The following HGSNAT variants were observed in gnomAD, a reference collection of about 807,000 sequenced individuals.
HGSNAT encodes the protein transmembrane protein 76.
In HGSNAT, 59 loss-of-function variants were observed where a neutral mutation model predicts 85.2. The observed-to-expected ratio is 0.69, with a 90% CI of 0.56 to 0.86. The LOEUF (loss-of-function observed/expected upper bound fraction) is 0.86. Ranked by LOEUF, HGSNAT falls within the 40% of genes least tolerant of loss-of-function variation. The pLI, the probability that HGSNAT is intolerant of heterozygous loss-of-function variation, is 0.00. For synonymous variants in HGSNAT, 321 were observed against 304.5 expected, an observed-to-expected ratio of 1.05 and a Z score of -0.56; for missense variants, 756 against 777.1, an observed-to-expected ratio of 0.97 and a Z score of 0.32.
At chr8:43,172,939 G>A (rs930348108) in intron 8 of HGSNAT, among the ~76,000 whole-genome samples, 2 of 152,226 alleles carry the variant, frequency 1.3e-5, no homozygotes, top group Non-Finnish European at 2.9e-5. Context: ...AAGTGTCCCA[G>A]CCAGGTCCAG....
chr8:43,177,270 G>T (rs563075461), intron 9 of HGSNAT, among the ~76,000 whole-genome samples: 9 of 151,848 alleles, frequency 5.9e-5, no homozygotes, highest in Non-Finnish European at 1.0e-4. Flanking sequence ...ATAATTTAGG[G>T]CCAGGTGTGG....
chr8:43,193,619 T>C (rs945368717), intron 13 of HGSNAT, 138 bp from the exon 14 acceptor site: 3 of 596,428 alleles, frequency 5.0e-6, no homozygotes, highest in Admixed American at 3.1e-5. Context: ...TCCCTATAAG[T>C]TGGCAATGAA....
At chr8:43,187,084 A>G (rs1804341494) in intron 11 of HGSNAT, among the ~76,000 whole-genome samples, 1 of 152,172 alleles carries the variant, frequency 6.6e-6, no homozygotes, top group South Asian at 2.1e-4. Flanking sequence ...TTTTGGAATA[A>G]GTGCAATGTG....
intron 17 of HGSNAT, among the ~76,000 whole-genome samples, chr8:43,198,844 C>T (rs1487171721): frequency 6.6e-6 from 1 of 152,132 alleles, no homozygotes; most frequent in Non-Finnish European, 1.5e-5. Flanking sequence ...ATAATTTTAG[C>T]TTTCCTTTCA....
chr8:43,176,612 A>C (rs1266554872), intron 9 of HGSNAT, among the ~76,000 whole-genome samples: 3 of 152,050 alleles, frequency 2.0e-5, no homozygotes, highest in Non-Finnish European at 4.4e-5. Flanking sequence ...TAGGGATTGC[A>C]TTGAGTCTGT....
intron 4 of HGSNAT, among the ~76,000 whole-genome samples, chr8:43,161,186 T>C (rs1803254724): frequency 6.6e-6 from 1 of 152,122 alleles, no homozygotes; most frequent in South Asian, 2.1e-4. Flanking sequence ...AGGGACAATA[T>C]CTTGATAATT....
chr8:43,181,615 T>G (rs1163618327), intron 10 of HGSNAT: 2 of 154,130 alleles, frequency 1.3e-5, no homozygotes, highest in South Asian at 2.0e-4. Context: ...CTGCTTCCAG[T>G]AGGATTCATT....
In HGSNAT at chr8:43,191,547, G is replaced by T. The variant is rs751563675; in HGVS notation, c.1202G>T (p.Gly401Val). 4 of 1,613,908 alleles carry T rather than the reference G, an allele frequency of 2.5e-6. No individual in the cohort carries two copies. The highest frequency in any genetic ancestry group is 2.7e-5 in the African/African-American group (2 of 74,944). The part of the protein sequence containing the change: ...PQWLLILVLE[G>V]LWLGLTFLLP... ...TGGCTGCTCATCCTGGTGCTGGAAG[G>T]CCTGTGGCTGGGCTTGACATTCCTC... is the stretch of plus-strand genomic sequence containing the variant. Residue 401 changes from glycine (G) to valine (V), a missense_variant, in exon 12 of 18, where the codon GGC becomes GTC. Physicochemically the swap from Gly to Val is moderately radical, Grantham distance 109 (BLOSUM62 -3). Coordinates refer to ENST00000379644, the MANE Select transcript of HGSNAT (RefSeq NM_152419.3).
rs889858022 is a variant in HGSNAT, at chr8:43,175,896, A to AT, written c.851+2161dup. 1.2e-4 allele frequency among the ~76,000 whole-genome samples: 18 copies of AT among 151,520 alleles called. No individual in the cohort carries two copies. In the South Asian group the frequency reaches 1.7e-3, roughly 14 times the overall value. ...AATCCATTTTTAATTGGATTATTAG[A>AT]TTTTTTTTCCTATAGAGTTGTTTGA... On this transcript the variant is annotated intron_variant, in intron 9 of 17. Coordinates refer to ENST00000379644, the MANE Select transcript of HGSNAT (RefSeq NM_152419.3).
intron 4 of HGSNAT, 123 bp downstream of exon 4, chr8:43,159,167 C>A: frequency 1.2e-6 from 1 of 835,322 alleles, no homozygotes; most frequent in Non-Finnish European, 1.8e-6. Flanking sequence ...AATCTTAGGT[C>A]ATTGATGAGC....
chr8:43,181,244 C>T lies in HGSNAT; in HGVS notation c.1013-901C>T, dbSNP rs945727487. Among the ~76,000 whole-genome samples the T allele has an allele frequency of 4.2e-5, 6 of 143,362 alleles. No individual in the cohort carries two copies. The East Asian group carries it at 6.4e-4, about 15-fold the overall frequency. 94.1% of individuals were successfully genotyped at this position (143,362 alleles called of 152,430 possible). Reference sequence around the variant, plus strand: ...GAGAGGGAGAGGGAGAGCATTTCATCAGCTTTCGATAGTGTGCGGCAGTTC... The same window carrying T: ...GAGAGGGAGAGGGAGAGCATTTCATTAGCTTTCGATAGTGTGCGGCAGTTC... On this transcript the variant is annotated intron_variant, in intron 10 of 17. Coordinates refer to ENST00000379644, the MANE Select transcript of HGSNAT (RefSeq NM_152419.3).
intron 10 of HGSNAT, chr8:43,181,784 C>G (rs529834768): frequency 8.6e-6 from 2 of 232,004 alleles, no homozygotes; most frequent in African/African-American, 2.3e-5. Context: ...AGCAGACGTG[C>G]GGGTTGATTG....
chr8:43,178,594 CTTT>C (rs58996359), intron 10 of HGSNAT, among the ~76,000 whole-genome samples: 2 of 96,922 alleles, frequency 2.1e-5, no homozygotes, highest in African/African-American at 7.1e-5. Flanking sequence ...CATCAGCTTT[CTTT>C]TTTTTTTTTT....
rs549440327 is a variant in HGSNAT, at chr8:43,168,102, G to A, written c.564-1071G>A. ...CCTGGCTAATTTTTTTGTATTTTTAGTAGAGACAGGGTTTCACCGTCTTAG... is the reference window on the plus strand; with the variant it reads ...CCTGGCTAATTTTTTTGTATTTTTAATAGAGACAGGGTTTCACCGTCTTAG... On this transcript the variant is annotated intron_variant, in intron 5 of 17. Coordinates refer to ENST00000379644, the MANE Select transcript of HGSNAT (RefSeq NM_152419.3). 6.2e-4 allele frequency: 107 copies of A among 173,860 alleles called. 1 individual carries two copies. Among genetic ancestry groups the A allele is most frequent in the Non-Finnish European group, 5.1e-4 (41 of 80,000 alleles). The allele number at this position is 173,860 out of a possible 1,614,324, so 10.8% of individuals were successfully genotyped here. A position where few individuals can be genotyped will look rare whatever the true frequency, so the allele number is the denominator to read the frequency against.
In HGSNAT at chr8:43,193,481, C is replaced by T. The variant is rs531523133; in HGVS notation, c.1378-276C>T. On this transcript the variant is annotated intron_variant, in intron 13 of 17. Coordinates refer to ENST00000379644, the MANE Select transcript of HGSNAT (RefSeq NM_152419.3). Reference sequence around the variant, plus strand: ...AGGCGTCATGTCACAAGGCCTGGAGCCAGCGCTGTTTGCTGCCCCCGCTGC... The same window carrying T: ...AGGCGTCATGTCACAAGGCCTGGAGTCAGCGCTGTTTGCTGCCCCCGCTGC... Among the ~76,000 whole-genome samples the T allele has an allele frequency of 2.6e-5, 4 of 152,304 alleles. No homozygotes were observed. The East Asian group carries it at 5.8e-4, about 22-fold the overall frequency.
At chr8:43,142,295 C>T (rs779731900) in intron 1 of HGSNAT, among the ~76,000 whole-genome samples, 41 of 152,036 alleles carry the variant, frequency 2.7e-4, no homozygotes, top group Non-Finnish European at 4.6e-4. Context: ...GTTCTTTTGT[C>T]TGTAACGCTC....
At chr8:43,199,276 T>C (rs1804838924) in intron 17 of HGSNAT, 112 bp from the exon 18 acceptor site, 1 of 712,086 alleles carries the variant, frequency 1.4e-6, no homozygotes. Context: ...TAGCCAACAA[T>C]GGAAGTGCAC....
chr8:43,157,084 T>G (rs1269607980), intron 2 of HGSNAT, among the ~76,000 whole-genome samples: 1 of 152,190 alleles, frequency 6.6e-6, no homozygotes, highest in Non-Finnish European at 1.5e-5. Context: ...AAACATAATA[T>G]AGCAGGATGA....
At chr8:43,167,094 T>C (rs1356008460) in intron 5 of HGSNAT, among the ~76,000 whole-genome samples, 1 of 151,514 alleles carries the variant, frequency 6.6e-6, no homozygotes, top group East Asian at 1.9e-4. Context: ...AGACAAGGAG[T>C]TGCTTCTTAT....
Sources: gnomAD v4.1 joint callset for allele counts (sites outside exome capture counted in the v4.1 genomes callset) on GRCh38, gnomAD v4.1.1 for gene constraint, MANE v1.5 for transcripts, NCBI Gene and HGNC (gene_info 2026-07-23, HGNC 2026-07-21) for gene names.